IGSF21: variants seen among roughly 807,000 people sequenced by gnomAD.
IGSF21 encodes immunoglobin superfamily member 21.
IGSF21 carries 28 observed loss-of-function variants against 46.8 expected under a neutral mutation model. That is an observed-to-expected ratio of 0.60 (90% CI 0.44 to 0.82). The LOEUF is 0.82. Among genes scored for constraint, IGSF21 ranks in the 40% least tolerant of loss-of-function variants. The probability of loss-of-function intolerance (pLI) is 0.00; values close to 1 mark genes in which losing one functional copy is unlikely to be tolerated. For synonymous variants in IGSF21, 284 were observed against 273.6 expected (o/e 1.04, Z -0.38); for missense variants, 624 against 665.5 (o/e 0.94, Z 0.69).
chr1:18,301,158 C>T (rs1012514268), intron 3 of IGSF21, among the ~76,000 whole-genome samples: 3 of 152,140 alleles, frequency 2.0e-5, no homozygotes, highest in Non-Finnish European at 2.9e-5. Context: ...CATGGAAGAA[C>T]GAGAGGAATG....
Position 18,208,477 on chromosome 1 carries a change from G to A in IGSF21, c.71-19421G>A, listed in dbSNP as rs924664073. ...GCTCACTGCAAGTTCCGCCTCCCGG[G>A]TTCACGCCATTCTCCTGCCTCAGCC... On this transcript the variant is annotated intron_variant, in intron 1 of 9. Coordinates refer to ENST00000251296, the MANE Select transcript of IGSF21 (RefSeq NM_032880.5). Among the ~76,000 whole-genome samples the A allele has an allele frequency of 5.9e-4, 86 of 145,650 alleles. 1 individual carries two copies. The highest frequency in any genetic ancestry group is 1.6e-3 in the African/African-American group (62 of 39,716).
At chr1:18,312,922 T>C (rs1393392302) in intron 3 of IGSF21, among the ~76,000 whole-genome samples, 1 of 152,220 alleles carries the variant, frequency 6.6e-6, no homozygotes, top group African/African-American at 2.4e-5. Context: ...AGTGACCTTG[T>C]TGCAACACGG....
chr1:18,353,155 T>C (rs914207137), intron 4 of IGSF21, among the ~76,000 whole-genome samples: 8 of 151,988 alleles, frequency 5.3e-5, no homozygotes, highest in Admixed American at 6.5e-5. Flanking sequence ...CTTTTTTTTT[T>C]CCCTTGGCTG....
intron 4 of IGSF21, among the ~76,000 whole-genome samples, chr1:18,350,625 T>C (rs1025897810): frequency 2.0e-5 from 3 of 151,968 alleles, no homozygotes; most frequent in Admixed American, 6.6e-5. Context: ...GAGTCCAATG[T>C]CAAGGGGAAA....
chr1:18,218,893 G>T (rs180704181), intron 1 of IGSF21, among the ~76,000 whole-genome samples: 31 of 152,298 alleles, frequency 2.0e-4, no homozygotes, highest in Non-Finnish European at 3.5e-4. Flanking sequence ...AAGATATAAA[G>T]AAGAGCCAGT....
At chr1:18,283,932 A>G (rs1420948170) in intron 2 of IGSF21, among the ~76,000 whole-genome samples, 1 of 152,210 alleles carries the variant, frequency 6.6e-6, no homozygotes, top group Non-Finnish European at 1.5e-5. Flanking sequence ...GAGTCTTCTA[A>G]GTACCAGACT....
At chr1:18,283,640 T>TCCG (rs990300616) in intron 2 of IGSF21, among the ~76,000 whole-genome samples, 1 of 152,042 alleles carries the variant, frequency 6.6e-6, no homozygotes, top group Non-Finnish European at 1.5e-5. Flanking sequence ...AGGCTTCCTC[T>TCCG]CCGCCTTCAT....
intron 1 of IGSF21, among the ~76,000 whole-genome samples, chr1:18,120,602 C>T (rs1182999482): frequency 3.9e-5 from 6 of 152,208 alleles, no homozygotes; most frequent in African/African-American, 1.4e-4. Context: ...AATGAGACAA[C>T]ATATGTATAG....
At chr1:18,243,702 A>G (rs562266711) in intron 2 of IGSF21, among the ~76,000 whole-genome samples, 3 of 152,094 alleles carry the variant, frequency 2.0e-5, no homozygotes, top group African/African-American at 7.2e-5. Flanking sequence ...CTCCCACCAC[A>G]CCAGCCTCAT....
rs532943769 is a variant in IGSF21, at chr1:18,277,170, T to C, written c.184-14696T>C. Among the ~76,000 whole-genome samples, 4 of 152,322 alleles carry C rather than the reference T, an allele frequency of 2.6e-5. No individual in the cohort carries two copies. The East Asian group carries it at 7.7e-4, about 29-fold the overall frequency. On this transcript the variant is annotated intron_variant, in intron 2 of 9. Coordinates refer to ENST00000251296, the MANE Select transcript of IGSF21 (RefSeq NM_032880.5). ...AAGAAAAGATGTCACCCCTGCATCG[T>C]GCAGGACAAAGGCTGGGGTCACCCC...
At chr1:18,349,107 G>A (rs756453437) in intron 4 of IGSF21, among the ~76,000 whole-genome samples, 5 of 152,188 alleles carry the variant, frequency 3.3e-5, no homozygotes, top group Non-Finnish European at 7.3e-5. Context: ...AGCTACTGAG[G>A]TGGTCATTCT....
At chr1:18,317,128 C>A (rs1359739478) in intron 3 of IGSF21, among the ~76,000 whole-genome samples, 2 of 152,296 alleles carry the variant, frequency 1.3e-5, no homozygotes, top group South Asian at 2.1e-4. Flanking sequence ...TTGGGCAGGG[C>A]TAGAGATAGT....
intron 1 of IGSF21, among the ~76,000 whole-genome samples, chr1:18,140,102 G>A (rs578155302): frequency 6.9e-4 from 105 of 152,244 alleles, no homozygotes; most frequent in African/African-American, 2.3e-3. Flanking sequence ...GCACCACCGT[G>A]CCTGGCTGAT....
intron 1 of IGSF21, among the ~76,000 whole-genome samples, chr1:18,134,405 T>C (rs1346218491): frequency 1.3e-5 from 2 of 152,130 alleles, no homozygotes; most frequent in Admixed American, 6.5e-5. Context: ...GCAGAAATCC[T>C]ATAACCAGCC....
intron 2 of IGSF21, among the ~76,000 whole-genome samples, chr1:18,279,200 C>T (rs1215600759): frequency 6.6e-6 from 1 of 152,212 alleles, no homozygotes; most frequent in Non-Finnish European, 1.5e-5. Context: ...CTCCCCTGGC[C>T]ACCCATCTCT....
intron 2 of IGSF21, among the ~76,000 whole-genome samples, chr1:18,286,573 GA>G (rs1325762087): frequency 6.6e-6 from 1 of 152,234 alleles, no homozygotes; most frequent in African/African-American, 2.4e-5. Flanking sequence ...GGAGCTTTAA[GA>G]AAGAGAAAGC....
intron 5 of IGSF21, among the ~76,000 whole-genome samples, chr1:18,362,709 A>C: frequency 6.6e-6 from 1 of 152,240 alleles, no homozygotes; most frequent in East Asian, 1.9e-4. Context: ...AAGGAGGGAC[A>C]GGATGGAAGG....
rs192220056 is a variant in IGSF21 at position 18,369,729 on chromosome 1, C to G, written c.1015+4032C>G. On this transcript the variant is annotated intron_variant, in intron 6 of 9. Coordinates refer to ENST00000251296, the MANE Select transcript of IGSF21 (RefSeq NM_032880.5). ...AGGCCAACGAGGGTGGGATGTGTCT[C>G]CCTGCAATGAGCCTTCGCTCCTCCT... Among the ~76,000 whole-genome samples, 54 of 152,308 alleles carry G rather than the reference C, an allele frequency of 3.5e-4. 1 individual carries two copies. The highest frequency in any genetic ancestry group is 3.4e-3 in the Middle Eastern group (1 of 294).
At chr1:18,261,759 G>C (rs1019671916) in intron 2 of IGSF21, among the ~76,000 whole-genome samples, 2 of 152,242 alleles carry the variant, frequency 1.3e-5, no homozygotes, top group Non-Finnish European at 2.9e-5. Context: ...GAAGATGCCA[G>C]AGGAAGTGGA....
Sources: gnomAD v4.1 joint callset for allele counts (sites outside exome capture counted in the v4.1 genomes callset) on GRCh38, gnomAD v4.1.1 for gene constraint, MANE v1.5 for transcripts, NCBI Gene and HGNC (gene_info 2026-07-23, HGNC 2026-07-21) for gene names.